Variants in HMGA2 observed in about 807,000 individuals in gnomAD.
HMGA2 encodes high mobility group AT-hook 2.
In HMGA2, 8 loss-of-function variants were observed where a neutral mutation model predicts 19.1. The observed-to-expected ratio is 0.42, with a 90% confidence interval of 0.25 to 0.76. The LOEUF (loss-of-function observed/expected upper bound fraction) is 0.76. Among genes scored for constraint, HMGA2 ranks in the 30% least tolerant of loss-of-function variants. The pLI is 0.28. For missense variants in HMGA2, 109 were observed against 136.3 expected (o/e 0.80, Z 1.00); for synonymous variants, 60 against 48.8 (o/e 1.23, Z -0.96).
intron 4 of HMGA2, among the ~76,000 whole-genome samples, chr12:65,960,817 T>C (rs1876732107): frequency 6.6e-6 from 1 of 152,244 alleles, no homozygotes; most frequent in Non-Finnish European, 1.5e-5. Flanking sequence ...TTATCCACAT[T>C]GTCTTAAGGA....
At chr12:65,914,194 G>A (rs1001778631) in intron 3 of HMGA2, among the ~76,000 whole-genome samples, 188 of 151,920 alleles carry the variant, frequency 1.2e-3, no homozygotes, top group Non-Finnish European at 2.0e-3. Context: ...ACATGCACAC[G>A]TATGTTTATT....
Position 65,917,749 on chromosome 12 carries a change from G to A in HMGA2, c.250-33634G>A, listed in dbSNP as rs150723914. Reference sequence around the variant, plus strand: ...GCAGTTGTGGAGCCCTAGATCTGTGGGTTTGGCCCTTACTTTGCTCGTATC... The same window carrying A: ...GCAGTTGTGGAGCCCTAGATCTGTGAGTTTGGCCCTTACTTTGCTCGTATC... On this transcript the variant is annotated intron_variant, in intron 3 of 4. Transcript: ENST00000403681. Among the ~76,000 whole-genome samples, 158 of 152,244 alleles carry A rather than the reference G, an allele frequency of 1.0e-3. 1 individual carries two copies. The highest frequency in any genetic ancestry group is 3.7e-3 in the African/African-American group (152 of 41,548).
At chr12:65,887,062 C>T (rs1475497421) in intron 3 of HMGA2, among the ~76,000 whole-genome samples, 1 of 152,132 alleles carries the variant, frequency 6.6e-6, no homozygotes. Context: ...TACCTAACTC[C>T]TATCTATTTG....
At chr12:65,910,313 T>C (rs867488015) in intron 3 of HMGA2, among the ~76,000 whole-genome samples, 4 of 152,288 alleles carry the variant, frequency 2.6e-5, no homozygotes, top group Middle Eastern at 3.4e-3. Flanking sequence ...GCAGATACCT[T>C]CTCCAGGTCT....
intron 4 of HMGA2, chr12:65,951,782 C>T (rs1247156151): frequency 5.4e-6 from 1 of 185,616 alleles, no homozygotes; most frequent in African/African-American, 2.4e-5. Context: ...TGACACCAGA[C>T]TTATATTTAA....
chr12:65,961,107 C>T (rs1876738182), intron 4 of HMGA2, among the ~76,000 whole-genome samples: 1 of 152,190 alleles, frequency 6.6e-6, no homozygotes, highest in African/African-American at 2.4e-5. Flanking sequence ...GCCAGCTTGA[C>T]TGAGTTCTAT....
intron 3 of HMGA2, among the ~76,000 whole-genome samples, chr12:65,861,312 G>T (rs1872052007): frequency 6.6e-6 from 1 of 152,130 alleles, no homozygotes. Context: ...GTTGCAGTGA[G>T]CCCAGATCGT....
intron 3 of HMGA2, among the ~76,000 whole-genome samples, chr12:65,853,719 G>A (rs1041338448): frequency 1.3e-5 from 2 of 152,194 alleles, no homozygotes; most frequent in African/African-American, 4.8e-5. Context: ...CCGCACAGGG[G>A]TCCCACCCTT....
intron 3 of HMGA2, among the ~76,000 whole-genome samples, chr12:65,887,518 C>T (rs569882269): frequency 3.9e-5 from 6 of 151,940 alleles, no homozygotes; most frequent in African/African-American, 7.2e-5. Flanking sequence ...GTCAGGAGTT[C>T]GAGACCAGCC....
At chr12:65,890,420 A>G (rs1223124072) in intron 3 of HMGA2, among the ~76,000 whole-genome samples, 1 of 152,194 alleles carries the variant, frequency 6.6e-6, no homozygotes, top group African/African-American at 2.4e-5. Flanking sequence ...TTATTCATTA[A>G]TATATTCTTG....
chr12:65,929,170 G>A (rs1875620175), intron 3 of HMGA2, among the ~76,000 whole-genome samples: 1 of 152,096 alleles, frequency 6.6e-6, no homozygotes, highest in African/African-American at 2.4e-5. Context: ...CATAAATACT[G>A]AGGACTGTTC....
intron 3 of HMGA2, among the ~76,000 whole-genome samples, chr12:65,889,862 G>T (rs1353524938): frequency 2.0e-5 from 3 of 152,168 alleles, no homozygotes; most frequent in African/African-American, 7.2e-5. Flanking sequence ...ACTGGCTTCA[G>T]AATTGTACTG....
intron 3 of HMGA2, among the ~76,000 whole-genome samples, chr12:65,898,291 A>AT (rs375780264): frequency 5.7e-4 from 84 of 148,660 alleles, no homozygotes; most frequent in Middle Eastern, 3.5e-3. Context: ...CACTTTATTC[A>AT]TTTTTTTTTT....
At chr12:65,918,129 C>T (rs1337640060) in intron 3 of HMGA2, among the ~76,000 whole-genome samples, 2 of 152,154 alleles carry the variant, frequency 1.3e-5, no homozygotes, top group Non-Finnish European at 2.9e-5. Flanking sequence ...TGTGAAATGG[C>T]CTTTTGAGTT....
chr12:65,911,346 A>G (rs1874836775), intron 3 of HMGA2, among the ~76,000 whole-genome samples: 1 of 152,176 alleles, frequency 6.6e-6, no homozygotes, highest in Non-Finnish European at 1.5e-5. Context: ...TAGTTTTTAG[A>G]TAAGAAGATA....
chr12:65,855,848 A>T (rs1871714366), intron 3 of HMGA2: 1 of 152,008 alleles, frequency 6.6e-6, no homozygotes, highest in African/African-American at 2.4e-5. Flanking sequence ...GTTGGATCCT[A>T]AATCCCAGCT....
intron 1 of HMGA2, chr12:65,826,969 G>T (rs1432399503): frequency 1.3e-5 from 2 of 152,092 alleles, no homozygotes; most frequent in African/African-American, 4.8e-5. Flanking sequence ...TCTCTAAATG[G>T]GATGCGAATT....
At chr12:65,961,418 C>A (rs1245154125) in intron 4 of HMGA2, among the ~76,000 whole-genome samples, 1 of 152,088 alleles carries the variant, frequency 6.6e-6, no homozygotes, top group Non-Finnish European at 1.5e-5. Flanking sequence ...AGGGTCATGG[C>A]CTGTTGCCTA....
intron 4 of HMGA2, among the ~76,000 whole-genome samples, chr12:65,962,214 G>A (rs927496475): frequency 2.6e-5 from 4 of 152,160 alleles, no homozygotes; most frequent in Non-Finnish European, 4.4e-5. Context: ...CACTAACGAC[G>A]CTTTTATCGG....
Sources: gnomAD v4.1 joint callset for allele counts (sites outside exome capture counted in the v4.1 genomes callset) on GRCh38, gnomAD v4.1.1 for gene constraint, MANE v1.5 for transcripts, NCBI Gene and HGNC (gene_info 2026-07-23, HGNC 2026-07-21) for gene names.